Variants in SYT1 observed in about 807,000 individuals in gnomAD.
The protein encoded by SYT1 is synaptotagmin-1.
A neutral mutation model predicts 44.8 loss-of-function variants in SYT1; 8 were observed. The ratio of observed to expected loss-of-function variants is 0.18; its 90% CI spans 0.10 to 0.32. The LOEUF (loss-of-function observed/expected upper bound fraction) is 0.32, where lower values mean the gene tolerates loss of function less well. Ranked by LOEUF, SYT1 falls within the 10% of genes least tolerant of loss-of-function variation. SYT1 has a pLI of 1.00. For missense variants in SYT1, 286 were observed against 509.3 expected, an observed-to-expected ratio of 0.56 and a Z score of 4.22; for synonymous variants, 154 against 188.8, an observed-to-expected ratio of 0.82 and a Z score of 1.51.
intron 2 of SYT1, among the ~76,000 whole-genome samples, chr12:79,045,269 C>G (rs769093100): frequency 6.6e-6 from 1 of 152,134 alleles, no homozygotes; most frequent in Admixed American, 6.5e-5. Context: ...TAGCAATCAG[C>G]GAGACTACGT....
intron 8 of SYT1, among the ~76,000 whole-genome samples, chr12:79,349,604 G>A (rs1882798934): frequency 6.6e-6 from 1 of 152,040 alleles, no homozygotes; most frequent in East Asian, 1.9e-4. Context: ...CGTTCACAGG[G>A]CTATTCTAGA....
At chr12:79,039,611 TA>T (rs1385373484) in intron 2 of SYT1, among the ~76,000 whole-genome samples, 4 of 148,924 alleles carry the variant, frequency 2.7e-5, no homozygotes, top group East Asian at 2.1e-4. Flanking sequence ...ATTTTTTATT[TA>T]TTTTTATTTT....
intron 1 of SYT1, among the ~76,000 whole-genome samples, chr12:78,957,729 G>A (rs917628605): frequency 6.6e-5 from 10 of 152,030 alleles, no homozygotes; most frequent in African/African-American, 2.4e-4. Flanking sequence ...ATTTTGGGTT[G>A]TTAAGGTCCT....
chr12:78,895,703 C>T (rs10861122), intron 1 of SYT1, among the ~76,000 whole-genome samples: 1 of 151,410 alleles, frequency 6.6e-6, no homozygotes, highest in Non-Finnish European at 1.5e-5. Context: ...AGAGCTAATT[C>T]TATACTATTA....
chr12:79,444,508 A>G (rs1054579816), intron 10 of SYT1, among the ~76,000 whole-genome samples: 18 of 152,224 alleles, frequency 1.2e-4, no homozygotes, highest in African/African-American at 3.4e-4. Context: ...TAAAAAGCCC[A>G]GAGAAAACTA....
At chr12:79,131,117 C>CT (rs1340604236) in intron 3 of SYT1, among the ~76,000 whole-genome samples, 334 of 138,698 alleles carry the variant, frequency 2.4e-3, no homozygotes, top group African/African-American at 4.9e-3. Flanking sequence ...TGTGTGTTTT[C>CT]TTTTTTTTTT....
At chr12:78,950,323 A>C (rs1440688942) in intron 1 of SYT1, among the ~76,000 whole-genome samples, 2 of 152,026 alleles carry the variant, frequency 1.3e-5, no homozygotes, top group Non-Finnish European at 2.9e-5. Context: ...ATCCTTTTTG[A>C]AGTATCTTTT....
At chr12:79,278,247 A>G (rs1878845668) in intron 4 of SYT1, among the ~76,000 whole-genome samples, 1 of 152,142 alleles carries the variant, frequency 6.6e-6, no homozygotes, top group Admixed American at 6.5e-5. Context: ...TTTCCAAGAT[A>G]GACCATATGA....
intron 3 of SYT1, among the ~76,000 whole-genome samples, chr12:79,116,480 A>G (rs1434727862): frequency 1.3e-5 from 2 of 152,146 alleles, no homozygotes; most frequent in Non-Finnish European, 2.9e-5. Flanking sequence ...ATCAAGCAAA[A>G]CACTCTCTTA....
At chr12:78,870,020 CA>C (rs1158385792) in intron 1 of SYT1, among the ~76,000 whole-genome samples, 1 of 152,062 alleles carries the variant, frequency 6.6e-6, no homozygotes, top group African/African-American at 2.4e-5. Flanking sequence ...AGATATAAAA[CA>C]CGCCTTCTAT....
chr12:79,178,293 G>A (rs2138382477), intron 3 of SYT1, among the ~76,000 whole-genome samples: 1 of 151,924 alleles, frequency 6.6e-6, no homozygotes, highest in Non-Finnish European at 1.5e-5. Context: ...TTACTTAATA[G>A]TATCACTCAG....
Position 79,292,053 on chromosome 12 carries a change from G to A in SYT1, c.397G>A (p.Glu133Lys). ...DAETGLTDGE[E>K]KEEPKEEEKL... ...TGAAACTGGATTGACAGATGGAGAA[G>A]AAAAAGAAGAACCCAAAGAAGAGGA... is the stretch of plus-strand genomic sequence containing the variant. The change falls in exon 6 of 11, where the codon GAA becomes AAA. Residue 133 changes from glutamate to lysine, a missense_variant. Physicochemically the swap from Glu to Lys is moderately conservative, Grantham distance 56. This residue lies in a region of SYT1 where 141 missense variants were observed against 165.7 expected (regional missense o/e 0.85). Coordinates refer to ENST00000261205, the MANE Select transcript of SYT1 (RefSeq NM_005639.3). 2 of 1,613,998 alleles carry A rather than the reference G, an allele frequency of 1.2e-6. No homozygotes were observed. Among genetic ancestry groups the A allele is most frequent in the Non-Finnish European group, 8.5e-7 (1 of 1,179,990 alleles).
chr12:78,965,043 C>T (rs907808408), intron 1 of SYT1, among the ~76,000 whole-genome samples: 1 of 151,906 alleles, frequency 6.6e-6, no homozygotes, highest in African/African-American at 2.4e-5. Context: ...TTTATGCACA[C>T]TAAATAAAAA....
intron 3 of SYT1, among the ~76,000 whole-genome samples, chr12:79,204,030 T>G (rs1873951575): frequency 2.0e-5 from 3 of 152,222 alleles, no homozygotes; most frequent in Non-Finnish European, 1.5e-5. Context: ...TTCCATGGAC[T>G]CAGAGCTGGC....
intron 2 of SYT1, among the ~76,000 whole-genome samples, chr12:78,988,310 CTA>C (rs1304860698): frequency 1.3e-5 from 2 of 150,286 alleles, no homozygotes; most frequent in Non-Finnish European, 3.0e-5. Context: ...ATGTTATATA[CTA>C]TGTTATCTTT....
At chr12:79,306,813 A>C (rs1182582855) in intron 8 of SYT1, among the ~76,000 whole-genome samples, 1 of 152,150 alleles carries the variant, frequency 6.6e-6, no homozygotes, top group East Asian at 1.9e-4. Context: ...GAGGAGTGGG[A>C]GTTGAAATGG....
intron 1 of SYT1, among the ~76,000 whole-genome samples, chr12:78,957,970 AC>A (rs561264620): frequency 6.6e-6 from 1 of 152,164 alleles, no homozygotes; most frequent in Non-Finnish European, 1.5e-5. Flanking sequence ...TAACTAAAAA[AC>A]TTTAATTTCT....
At chr12:78,894,734 A>G (rs1875260605) in intron 1 of SYT1, among the ~76,000 whole-genome samples, 1 of 151,640 alleles carries the variant, frequency 6.6e-6, no homozygotes, top group African/African-American at 2.4e-5. Context: ...TCATAGAAAC[A>G]GAGAGTCAAA....
At chr12:79,029,840 T>G (rs892911297) in intron 2 of SYT1, among the ~76,000 whole-genome samples, 9 of 151,316 alleles carry the variant, frequency 5.9e-5, no homozygotes, top group African/African-American at 1.9e-4. Context: ...TTAGCTGATT[T>G]GTATGTTGCT....
Sources: gnomAD v4.1 joint callset for allele counts (sites outside exome capture counted in the v4.1 genomes callset) on GRCh38, gnomAD v4.1.1 for gene constraint, gnomAD v4.1.1 regional missense constraint, MANE v1.5 for transcripts, NCBI Gene and HGNC (gene_info 2026-07-23, HGNC 2026-07-21) for gene names.